Variants in KLHL8 observed in about 807,000 individuals in gnomAD.
The protein encoded by KLHL8 is kelch like family member 8, also known as kelch-like protein 8.
Under a neutral mutation model 63.5 loss-of-function variants are expected in KLHL8, and 38 were observed. The observed-to-expected ratio is 0.60, with a 90% CI of 0.46 to 0.78. The LOEUF (loss-of-function observed/expected upper bound fraction) is 0.78, where lower values mean the gene tolerates loss of function less well. Ranked by LOEUF, KLHL8 falls within the 30% of genes least tolerant of loss-of-function variation. The pLI is 0.00. For synonymous variants in KLHL8, 224 were observed against 254.3 expected (o/e 0.88, Z 1.13); for missense variants, 566 against 752.4 (o/e 0.75, Z 2.90).
intron 1 of KLHL8, chr4:87,208,019 C>G (rs899557943): frequency 1.5e-6 from 1 of 687,442 alleles, no homozygotes. Flanking sequence ...AAGATCATTT[C>G]TTGGTATAGC....
chr4:87,164,041 G>A lies in KLHL8; in HGVS notation c.1576C>T (p.Arg526Trp), dbSNP rs953481536. 10 of 1,613,904 alleles carry A rather than the reference G, an allele frequency of 6.2e-6. No homozygotes were observed. The highest frequency in any genetic ancestry group is 4.0e-5 in the African/African-American group (3 of 74,876). The change falls in exon 9 of 10, where the codon CGG (arginine) becomes TGG (tryptophan). Residue 526 changes from arginine (R) to tryptophan (W), a missense_variant. Arg to Trp is a moderately radical substitution (Grantham distance 101). Coordinates refer to ENST00000273963, the MANE Select transcript of KLHL8 (RefSeq NM_020803.5). ...DDNSPLSSVERYDPRSNKWDY... is the reference protein window; with the variant it reads ...DDNSPLSSVEWYDPRSNKWDY... Reference sequence around the variant, plus strand: ...CACTTGTTGCTTCGGGGGTCATACCGCTCAACTGAACTCAGAGGAGAATTA... The same window carrying A: ...CACTTGTTGCTTCGGGGGTCATACCACTCAACTGAACTCAGAGGAGAATTA...
intron 2 of KLHL8, among the ~76,000 whole-genome samples, chr4:87,186,953 T>C (rs1336778197): frequency 1.3e-5 from 2 of 149,912 alleles, no homozygotes; most frequent in Non-Finnish European, 2.9e-5. Context: ...TATCTTGAAA[T>C]GATATAGCTC....
At chr4:87,168,735 T>TATATATATAC (rs1730509989) in intron 8 of KLHL8, among the ~76,000 whole-genome samples, 1 of 148,734 alleles carries the variant, frequency 6.7e-6, no homozygotes, top group African/African-American at 2.5e-5. Context: ...TATATATGTG[T>TATATATATAC]GTATATATAC....
Position 87,176,788 on chromosome 4 carries a change from A to T in KLHL8, c.1177T>A (p.Trp393Arg), listed in dbSNP as rs1730834495. The change falls in exon 6 of 10, where the codon TGG (tryptophan) becomes AGG (arginine). Residue 393 changes from tryptophan to arginine, a missense_variant. Transcript: ENST00000273963. Reference protein sequence around the residue: ...MEMFDPLTNKWMMKASMNTKR... With the variant: ...MEMFDPLTNKRMMKASMNTKR... ...GTGTTCATTGATGCCTTCATCATCCATTTATTAGTGAGAGGATCAAACATC... is the reference window on the plus strand; with the variant it reads ...GTGTTCATTGATGCCTTCATCATCCTTTTATTAGTGAGAGGATCAAACATC... 1 of 1,601,872 alleles carries T rather than the reference A, an allele frequency of 6.2e-7. No homozygotes were observed. The highest frequency in any genetic ancestry group is 8.5e-7 in the Non-Finnish European group (1 of 1,171,932).
intron 1 of KLHL8, among the ~76,000 whole-genome samples, chr4:87,206,388 T>C (rs1732133028): frequency 1.3e-5 from 2 of 152,380 alleles, no homozygotes; most frequent in Admixed American, 1.3e-4. Context: ...AGGTCCTCAT[T>C]GCTCTGGCTC....
At chr4:87,227,379 T>A (rs908121805) in intron 1 of KLHL8, among the ~76,000 whole-genome samples, 4 of 152,140 alleles carry the variant, frequency 2.6e-5, no homozygotes, top group African/African-American at 9.7e-5. Context: ...CCACGGTTCA[T>A]GCCTGCAATC....
intron 1 of KLHL8, among the ~76,000 whole-genome samples, chr4:87,210,757 A>C (rs1732372894): frequency 6.6e-6 from 1 of 152,042 alleles, no homozygotes; most frequent in Admixed American, 6.5e-5. Flanking sequence ...GCCTCCTTTC[A>C]GGCTTTCTGC....
intron 1 of KLHL8, among the ~76,000 whole-genome samples, chr4:87,200,149 AAAAAAAAAAAAG>A (rs1219341983): frequency 6.6e-6 from 1 of 151,210 alleles, no homozygotes; most frequent in African/African-American, 2.4e-5. Context: ...AAAAAAAAAA[AAAAAAAAAAAAG>A]AAAAAAAAAA....
At chr4:87,181,595 A>G (rs957453820) in intron 4 of KLHL8, among the ~76,000 whole-genome samples, 1 of 150,292 alleles carries the variant, frequency 6.7e-6, no homozygotes, top group African/African-American at 2.4e-5. Flanking sequence ...TATGGAAGGA[A>G]AAAAAAAAAA....
intron 4 of KLHL8, among the ~76,000 whole-genome samples, chr4:87,178,978 C>T (rs763073734): frequency 6.6e-6 from 1 of 152,142 alleles, no homozygotes; most frequent in African/African-American, 2.4e-5. Flanking sequence ...AAACATCTTA[C>T]TTCCTTGATT....
intron 1 of KLHL8, among the ~76,000 whole-genome samples, chr4:87,209,210 T>C (rs149839379): frequency 6.6e-6 from 1 of 152,306 alleles, no homozygotes; most frequent in Non-Finnish European, 1.5e-5. Flanking sequence ...CCTAAGATTC[T>C]GATTTTTAGG....
rs1424452591 is a variant in KLHL8, at chr4:87,162,809, T to G, written c.*710A>C. On this transcript the variant is annotated 3_prime_UTR_variant, in exon 10 of 10. Transcript: ENST00000273963. ...CCTTTTGATTATGTAACAAATACTT[T>G]TTGCAAAAGATGAAAAAATAAAACT... is the stretch of plus-strand genomic sequence containing the variant. The G allele has an allele frequency of 6.6e-6, 1 of 152,188 alleles. No homozygotes were observed. The highest frequency in any genetic ancestry group is 1.5e-5 in the Non-Finnish European group (1 of 68,026). The allele number at this position is 152,188 out of a possible 1,614,324, so 9.4% of individuals were successfully genotyped here. A position where few individuals can be genotyped will look rare whatever the true frequency, so the allele number is the denominator to read the frequency against.
chr4:87,163,146 G>A lies in KLHL8; in HGVS notation c.*373C>T, dbSNP rs756818628. 6.6e-5 allele frequency: 11 copies of A among 167,478 alleles called. No homozygotes were observed. The highest frequency in any genetic ancestry group is 1.3e-4 in the Non-Finnish European group (10 of 78,074). 10.4% of individuals were successfully genotyped at this position (167,478 alleles called of 1,614,324 possible). ...CTCTAGGAAAAACCCACTGCCTGAC[G>A]TTAACATCTTTAGGCAAAAGAAAAG... On this transcript the variant is annotated 3_prime_UTR_variant, in exon 10 of 10. Transcript: ENST00000273963.
intron 1 of KLHL8, among the ~76,000 whole-genome samples, chr4:87,211,102 A>T (rs1446488738): frequency 6.6e-6 from 1 of 152,212 alleles, no homozygotes; most frequent in Non-Finnish European, 1.5e-5. Flanking sequence ...CATATAACAC[A>T]ATAAACAAAC....
At chr4:87,218,287 G>T (rs1176080453) in intron 1 of KLHL8, among the ~76,000 whole-genome samples, 1 of 151,564 alleles carries the variant, frequency 6.6e-6, no homozygotes, top group South Asian at 2.1e-4. Flanking sequence ...TGCCAGGCTG[G>T]AGTGCAGCTG....
intron 1 of KLHL8, among the ~76,000 whole-genome samples, chr4:87,218,504 AC>A (rs1427711842): frequency 6.6e-6 from 1 of 152,210 alleles, no homozygotes; most frequent in Non-Finnish European, 1.5e-5. Flanking sequence ...GGCGTGAGCC[AC>A]CGCGCCCGGC....
At chr4:87,181,657 A>G (rs915945483) in intron 4 of KLHL8, among the ~76,000 whole-genome samples, 2 of 151,966 alleles carry the variant, frequency 1.3e-5, no homozygotes, top group Admixed American at 6.6e-5. Context: ...TACTATTTCT[A>G]TGTGTGACCT....
Position 87,188,285 on chromosome 4 carries a change from T to C in KLHL8, c.217-2486A>G, listed in dbSNP as rs1731341448. On this transcript the variant is annotated intron_variant, in intron 2 of 9. Coordinates refer to ENST00000273963, the MANE Select transcript of KLHL8 (RefSeq NM_020803.5). ...CATGCCACCACTGGGATTCAGTTTC[T>C]ATGCAAATATTTGTAAGTCTCACAT... is the stretch of plus-strand genomic sequence containing the variant. 3.3e-5 allele frequency among the ~76,000 whole-genome samples: 5 copies of C among 152,240 alleles called. No individual in the cohort carries two copies. In the South Asian group the frequency reaches 1.0e-3, roughly 31 times the overall value.
intron 1 of KLHL8, among the ~76,000 whole-genome samples, chr4:87,213,831 G>A (rs1365081424): frequency 6.6e-6 from 1 of 152,142 alleles, no homozygotes; most frequent in African/African-American, 2.4e-5. Context: ...ATATCTGTCA[G>A]CCATACGCGA....
Sources: gnomAD v4.1 joint callset for allele counts (sites outside exome capture counted in the v4.1 genomes callset) on GRCh38, gnomAD v4.1.1 for gene constraint, MANE v1.5 for transcripts, NCBI Gene and HGNC (gene_info 2026-07-23, HGNC 2026-07-21) for gene names.